The following EFNA4 variants were observed in gnomAD, a reference collection of about 807,000 sequenced individuals.
EFNA4 encodes the protein ephrin A4, also known as ephrin-A4.
A neutral mutation model predicts 23.7 loss-of-function variants in EFNA4; 22 were observed. That is an observed-to-expected ratio of 0.93 (90% CI 0.66 to 1.32). The LOEUF (loss-of-function observed/expected upper bound fraction) is 1.32. EFNA4 is among the 40% of genes most tolerant of loss of function. EFNA4 has a pLI of 0.00. For missense variants in EFNA4, 252 were observed against 252.3 expected, an observed-to-expected ratio of 1.00 and a Z score of 0.01; for synonymous variants, 113 against 108.3, an observed-to-expected ratio of 1.04 and a Z score of -0.27.
rs556546319 is a variant in EFNA4, at chr1:155,068,326, T to C, written c.470-527T>C. Among the ~76,000 whole-genome samples, 6 of 147,982 alleles carry C rather than the reference T, an allele frequency of 4.1e-5. No individual in the cohort carries two copies. The Admixed American group carries it at 4.1e-4, about 10-fold the overall frequency. ...GTCGCCCAGGGCTGGAGTACAGTGGTGCGATCTCAGCTTACTTCAACCTCA... is the reference window on the plus strand; with the variant it reads ...GTCGCCCAGGGCTGGAGTACAGTGGCGCGATCTCAGCTTACTTCAACCTCA... On this transcript the variant is annotated intron_variant, in intron 3 of 3. Transcript: ENST00000368409.
Position 155,068,935 on chromosome 1 carries a change from C to G in EFNA4, c.552C>G (p.Leu184=), listed in dbSNP as rs1425095316. The stretch of plus-strand genomic sequence containing the variant: ...GAGGGGGGGACACTCCCAGCCCCCT[C>G]TGTCTCTTGCTATTACTGCTGCTTC... ...GWRGGDTPSP[L]CLLLLLLLLI... The change falls in exon 4 of 4, where the codon CTC becomes CTG. Residue 184 remains leucine, a synonymous_variant. Transcript: ENST00000368409. The G allele has an allele frequency of 6.2e-7, 1 of 1,613,984 alleles. No homozygotes were observed. Among genetic ancestry groups the G allele is most frequent in the Non-Finnish European group, 8.5e-7 (1 of 1,180,014 alleles).
Position 155,068,919 on chromosome 1 carries a change from A to C in EFNA4, c.536A>C (p.Asp179Ala). Residue 179 changes from aspartate (D) to alanine (A), a missense_variant, in exon 4 of 4, where the codon GAC (aspartate) becomes GCC (alanine). Asp to Ala is a moderately radical substitution (Grantham distance 126). Transcript: ENST00000368409. ...GGCACATCAGGGTGGCGAGGGGGGG[A>C]CACTCCCAGCCCCCTCTGTCTCTTG... ...ESGTSGWRGG[D>A]TPSPLCLLLL... 1 of 1,613,170 alleles carries C rather than the reference A, an allele frequency of 6.2e-7. No individual in the cohort carries two copies. The highest frequency in any genetic ancestry group is 1.7e-4 in the Middle Eastern group (1 of 6,052).
At position 155,063,844 on chromosome 1, in the gene EFNA4, G is replaced by A; in HGVS notation, c.21G>A (p.Leu7=). MRLLPL[L]RTVLWAAFLG... ...GGGCGATGCGGCTGCTGCCCCTGCTGCGGACTGTCCTCTGGGCCGCGTTCC... is the reference window on the plus strand; with the variant it reads ...GGGCGATGCGGCTGCTGCCCCTGCTACGGACTGTCCTCTGGGCCGCGTTCC... Residue 7 remains leucine (L), a synonymous_variant, in exon 1 of 4, where the codon CTG becomes CTA. Transcript: ENST00000368409. This position sits in a 1 kb window ranked among gnomAD's most constrained non-coding sequence, Gnocchi z 4.1. 3 of 1,545,564 alleles carry A rather than the reference G, an allele frequency of 1.9e-6. No homozygotes were observed. The highest frequency in any genetic ancestry group is 2.4e-5 in the South Asian group (2 of 83,046).
At chr1:155,066,381 G>C (rs1663045598) in intron 1 of EFNA4, among the ~76,000 whole-genome samples, 1 of 152,162 alleles carries the variant, frequency 6.6e-6, no homozygotes, top group Non-Finnish European at 1.5e-5. Flanking sequence ...ATCAAGCCTG[G>C]TGCTATACCA....
chr1:155,065,977 C>T (rs1663034985), intron 1 of EFNA4, among the ~76,000 whole-genome samples: 1 of 152,084 alleles, frequency 6.6e-6, no homozygotes, highest in South Asian at 2.1e-4. Flanking sequence ...ACCTCATGAT[C>T]CGCCCGCCTC....
At chr1:155,064,888 C>A (rs995560215) in intron 1 of EFNA4, among the ~76,000 whole-genome samples, 6 of 152,204 alleles carry the variant, frequency 3.9e-5, no homozygotes, top group Non-Finnish European at 5.9e-5. Context: ...CACAGACTCT[C>A]TGGAGAACAG....
chr1:155,064,656 TA>T (rs2102439898), intron 1 of EFNA4, among the ~76,000 whole-genome samples: 1 of 152,352 alleles, frequency 6.6e-6, no homozygotes, highest in African/African-American at 2.4e-5. Flanking sequence ...TGAACCTTAG[TA>T]TATTTTACTG....
At position 155,064,453 on chromosome 1, in the gene EFNA4, C is replaced by G. The variant is rs139330543; in HGVS notation, c.113+517C>G. Among the ~76,000 whole-genome samples, 388 of 152,350 alleles carry G rather than the reference C, an allele frequency of 2.5e-3. 1 individual carries two copies. The highest frequency in any genetic ancestry group is 4.0e-3 in the Non-Finnish European group (270 of 68,032). ...CTGTTTCTTTCCAGTGTCAGCCCTG[C>G]CCTTCTAGCCGAATCACCTCTGGGC... is the stretch of plus-strand genomic sequence containing the variant. On this transcript the variant is annotated intron_variant, in intron 1 of 3. Coordinates refer to ENST00000368409, the MANE Select transcript of EFNA4 (RefSeq NM_005227.3).
chr1:155,066,643 G>C, intron 1 of EFNA4, 87 bp from the exon 2 acceptor site: 1 of 1,464,744 alleles, frequency 6.8e-7, no homozygotes, highest in Non-Finnish European at 9.1e-7. Context: ...AGGCTGGCAG[G>C]GGCCTCTGAG....
intron 1 of EFNA4, among the ~76,000 whole-genome samples, chr1:155,064,157 C>T (rs1457567815): frequency 6.6e-6 from 1 of 152,206 alleles, no homozygotes; most frequent in Non-Finnish European, 1.5e-5. Flanking sequence ...AGACCCCAGC[C>T]CCAAGGGTTG....
chr1:155,069,043 CT>C lies in EFNA4; in HGVS notation c.*55del, dbSNP rs1558141229. 5 of 1,612,180 alleles carry C rather than the reference CT, an allele frequency of 3.1e-6. No homozygotes were observed. Among genetic ancestry groups the C allele is most frequent in the Non-Finnish European group, 3.4e-6 (4 of 1,179,126 alleles). On this transcript the variant is annotated 3_prime_UTR_variant, in exon 4 of 4. Coordinates refer to ENST00000368409, the MANE Select transcript of EFNA4 (RefSeq NM_005227.3). ...GGAGCCAGAGTCCTCCCAAGATCCC[CT>C]GGAGGAGGAGGGATCCCTGCTGCCT...
Position 155,063,988 on chromosome 1 carries a change from C to A in EFNA4, c.113+52C>A. ...ACAGCCAAGTCTGCGCGCTCCCGGG[C>A]TTTGCGCGCGCCCGCCACCCGCTCT... On this transcript the variant is annotated intron_variant, in intron 1 of 3. Coordinates refer to ENST00000368409, the MANE Select transcript of EFNA4 (RefSeq NM_005227.3). This position sits in a 1 kb window ranked among gnomAD's most constrained non-coding sequence, Gnocchi z 4.1. 1 of 1,428,522 alleles carries A rather than the reference C, an allele frequency of 7.0e-7. No individual in the cohort carries two copies. 88.5% of individuals were successfully genotyped at this position (1,428,522 alleles called of 1,614,324 possible). A position where few individuals can be genotyped will look rare whatever the true frequency, so the allele number is the denominator to read the frequency against.
rs564877955 is a variant in EFNA4, at chr1:155,069,415, G to A, written c.*426G>A. The A allele has an allele frequency of 1.6e-5, 8 of 495,084 alleles. No homozygotes were observed. The highest frequency in any genetic ancestry group is 2.8e-5 in the Non-Finnish European group (8 of 284,090). The allele number at this position is 495,084 out of a possible 1,614,324, so 30.7% of individuals were successfully genotyped here. ...GGCCTTTTCCCTGGGGCAGCACCTT[G>A]CCCTCCCCAGGGGATCACTCACTTG... On this transcript the variant is annotated 3_prime_UTR_variant, in exon 4 of 4. Transcript: ENST00000368409.
intron 3 of EFNA4, among the ~76,000 whole-genome samples, chr1:155,068,183 C>T (rs943935762): frequency 3.3e-5 from 5 of 152,054 alleles, no homozygotes; most frequent in African/African-American, 1.2e-4. Flanking sequence ...AACTCCTGAC[C>T]TCAAGAGATC....
intron 1 of EFNA4, among the ~76,000 whole-genome samples, chr1:155,066,110 C>G (rs932137097): frequency 4.6e-5 from 7 of 152,140 alleles, no homozygotes; most frequent in African/African-American, 1.7e-4. Context: ...CTCAAGCGAT[C>G]CTCCCACCTC....
Position 155,069,256 on chromosome 1 carries a change from A to C in EFNA4, c.*267A>C, listed in dbSNP as rs941954387. On this transcript the variant is annotated 3_prime_UTR_variant, in exon 4 of 4. Transcript: ENST00000368409. ...CTTTGCAGGCTGCTCTGAGGGTCTC[A>C]GCCCATCCCCCAGGAGGACTGGGAT... 1.5e-5 allele frequency: 22 copies of C among 1,441,832 alleles called. No individual in the cohort carries two copies. In the Admixed American group the frequency reaches 6.0e-4, roughly 39 times the overall value. 89.3% of individuals were successfully genotyped at this position (1,441,832 alleles called of 1,614,324 possible). A position where few individuals can be genotyped will look rare whatever the true frequency, so the allele number is the denominator to read the frequency against.
chr1:155,066,630 G>A, intron 1 of EFNA4, 100 bp from the exon 2 acceptor site: 1 of 1,412,644 alleles, frequency 7.1e-7, no homozygotes, highest in Non-Finnish European at 9.5e-7. Flanking sequence ...ATGGGTGGAG[G>A]AGAGGCTGGC....
In EFNA4 at chr1:155,066,803, G is replaced by C; in HGVS notation, c.187G>C (p.Gly63Arg). The C allele has an allele frequency of 6.2e-7, 1 of 1,613,378 alleles. No individual in the cohort carries two copies. The highest frequency in any genetic ancestry group is 8.5e-7 in the Non-Finnish European group (1 of 1,179,760). Residue 63 changes from glycine (G) to arginine (R), a missense_variant, in exon 2 of 4, where the codon GGC (glycine) becomes CGC (arginine). Gly to Arg is a moderately radical substitution (Grantham distance 125). Transcript: ENST00000368409. ...AGACATTGTCTGCCCCCACTACGAA[G>C]GCCCAGGGCCCCCTGAGGGCCCCGA... ...YLDIVCPHYE[G>R]PGPPEGPETF...
In EFNA4 at chr1:155,068,929, C is replaced by T. The variant is rs748959343; in HGVS notation, c.546C>T (p.Ser182=). ...GGTGGCGAGGGGGGGACACTCCCAG[C>T]CCCCTCTGTCTCTTGCTATTACTGC... ...TSGWRGGDTP[S]PLCLLLLLLL... is the part of the protein sequence containing the mutation. The change falls in exon 4 of 4, where the codon AGC becomes AGT. Residue 182 remains serine (S), a synonymous_variant. Transcript: ENST00000368409. 2 of 1,614,046 alleles carry T rather than the reference C, an allele frequency of 1.2e-6. No individual in the cohort carries two copies. Among genetic ancestry groups the T allele is most frequent in the Admixed American group, 1.7e-5 (1 of 60,010 alleles).
Sources: allele counts gnomAD v4.1 joint callset (sites outside exome capture counted in the v4.1 genomes callset), GRCh38; gene constraint gnomAD v4.1.1; non-coding constraint Gnocchi (gnomAD v3.1); transcripts MANE v1.5; gene names NCBI Gene and HGNC (gene_info 2026-07-23, HGNC 2026-07-21).